The following TRPC4 variants were observed in gnomAD, a reference collection of about 807,000 sequenced individuals.
The protein encoded by TRPC4 is short transient receptor potential channel 4.
In TRPC4, 49 loss-of-function variants were observed where a neutral mutation model predicts 99.4. The observed-to-expected ratio is 0.49, with a 90% CI of 0.39 to 0.63. TRPC4 has a LOEUF of 0.63. Ranked by LOEUF, TRPC4 falls within the 20% of genes least tolerant of loss-of-function variation. The pLI is 0.00. For synonymous variants in TRPC4, 454 were observed against 425.9 expected (o/e 1.07, Z -0.81); for missense variants, 898 against 1,152.9 (o/e 0.78, Z 3.20).
chr13:37,777,287 G>C (rs1029440184), intron 2 of TRPC4, among the ~76,000 whole-genome samples: 3 of 151,888 alleles, frequency 2.0e-5, no homozygotes, highest in African/African-American at 7.2e-5. Context: ...AGGAGGCATG[G>C]CTGGGAGGGC....
At position 37,650,734 on chromosome 13, in the gene TRPC4, CAGTT is replaced by C. The variant is rs1401750533; in HGVS notation, c.2079+527_2079+530del. On this transcript the variant is annotated intron_variant, in intron 8 of 10. Transcript: ENST00000379705. ...ACACATATTCTGGAATCACACTTAA[CAGTT>C]GGCACAGCATATTTAAGTTATAATA... 3.9e-5 allele frequency among the ~76,000 whole-genome samples: 6 copies of C among 152,190 alleles called. No homozygotes were observed. The East Asian group carries it at 9.7e-4, about 25-fold the overall frequency.
chr13:37,697,017 C>A (rs1953926318), intron 3 of TRPC4, among the ~76,000 whole-genome samples: 1 of 151,358 alleles, frequency 6.6e-6, no homozygotes, highest in African/African-American at 2.4e-5. Flanking sequence ...CCTGGTGATA[C>A]CTCTGGTCGT....
intron 3 of TRPC4, among the ~76,000 whole-genome samples, chr13:37,738,780 A>G (rs1382162308): frequency 6.6e-6 from 1 of 152,210 alleles, no homozygotes; most frequent in African/African-American, 2.4e-5. Flanking sequence ...GACTCTAAGC[A>G]GTGACGGTGG....
At chr13:37,679,263 T>C (rs1953157293) in intron 4 of TRPC4, among the ~76,000 whole-genome samples, 1 of 152,144 alleles carries the variant, frequency 6.6e-6, no homozygotes, top group African/African-American at 2.4e-5. Flanking sequence ...CATGACTGTA[T>C]GCGTTTTAAC....
At chr13:37,637,888 G>A (rs1190606818) in intron 10 of TRPC4, among the ~76,000 whole-genome samples, 1 of 152,070 alleles carries the variant, frequency 6.6e-6, no homozygotes, top group East Asian at 1.9e-4. Flanking sequence ...TGCCACCAAC[G>A]TGCAGCTGAG....
intron 4 of TRPC4, among the ~76,000 whole-genome samples, chr13:37,680,272 A>C (rs540840140): frequency 6.6e-6 from 1 of 152,188 alleles, no homozygotes. Flanking sequence ...AGATATGTGC[A>C]TGCAATCATT....
chr13:37,686,359 T>G (rs1354543786), intron 4 of TRPC4, among the ~76,000 whole-genome samples: 2 of 152,088 alleles, frequency 1.3e-5, no homozygotes, highest in Admixed American at 6.5e-5. Flanking sequence ...TGTCTGTATG[T>G]ACCTATATAC....
intron 1 of TRPC4, among the ~76,000 whole-genome samples, chr13:37,849,057 C>G (rs902210934): frequency 2.0e-5 from 3 of 152,108 alleles, no homozygotes; most frequent in Non-Finnish European, 4.4e-5. Flanking sequence ...CCCACTACAG[C>G]CCATTGCCAG....
intron 3 of TRPC4, among the ~76,000 whole-genome samples, chr13:37,705,977 G>A (rs1199237395): frequency 2.0e-5 from 3 of 152,106 alleles, no homozygotes; most frequent in Non-Finnish European, 2.9e-5. Context: ...TTTCAACTCC[G>A]CTTCAGATTC....
At chr13:37,831,892 A>G (rs906199593) in intron 1 of TRPC4, among the ~76,000 whole-genome samples, 6 of 152,130 alleles carry the variant, frequency 3.9e-5, no homozygotes, top group Non-Finnish European at 7.4e-5. Flanking sequence ...AGGAGGGTGG[A>G]GTGGGGAAAG....
At position 37,828,013 on chromosome 13, in the gene TRPC4, C is replaced by T. The variant is rs370184814; in HGVS notation, c.-28+41582G>A. ...AAGCCCGTCGGAAAAGTGCAGTACT[C>T]GGGTGGGAGTGACCCGATTTTCCAG... On this transcript the variant is annotated intron_variant, in intron 1 of 10. Coordinates refer to ENST00000379705, the MANE Select transcript of TRPC4 (RefSeq NM_016179.4). Among the ~76,000 whole-genome samples the T allele has an allele frequency of 1.8e-3, 267 of 152,284 alleles. 1 individual carries two copies. Among genetic ancestry groups the T allele is most frequent in the Middle Eastern group, 6.8e-3 (2 of 294 alleles).
At chr13:37,684,323 G>T (rs1017439499) in intron 4 of TRPC4, among the ~76,000 whole-genome samples, 4 of 151,798 alleles carry the variant, frequency 2.6e-5, no homozygotes, top group Non-Finnish European at 5.9e-5. Flanking sequence ...TTAACATTTT[G>T]AGAAAAAAAA....
chr13:37,818,383 G>A (rs1028349346), intron 1 of TRPC4, among the ~76,000 whole-genome samples: 1 of 152,090 alleles, frequency 6.6e-6, no homozygotes, highest in Non-Finnish European at 1.5e-5. Flanking sequence ...CATTGGGGAA[G>A]ACAGTGTGAT....
intron 1 of TRPC4, among the ~76,000 whole-genome samples, chr13:37,805,711 A>T (rs747220451): frequency 5.9e-5 from 9 of 152,150 alleles, no homozygotes; most frequent in Non-Finnish European, 1.2e-4. Context: ...AAAACCTATG[A>T]CTTAAAATTT....
chr13:37,732,313 G>A (rs900243560), intron 3 of TRPC4, among the ~76,000 whole-genome samples: 1 of 152,070 alleles, frequency 6.6e-6, no homozygotes, highest in Admixed American at 6.6e-5. Context: ...GAAAGAGTAG[G>A]ATCTAGTCAG....
intron 2 of TRPC4, among the ~76,000 whole-genome samples, chr13:37,760,057 C>T (rs1956184381): frequency 6.6e-6 from 1 of 151,928 alleles, no homozygotes; most frequent in Non-Finnish European, 1.5e-5. Flanking sequence ...TTCATTTTGT[C>T]ATGCTAGAGA....
chr13:37,734,590 A>G (rs1232757478), intron 3 of TRPC4, among the ~76,000 whole-genome samples: 2 of 152,152 alleles, frequency 1.3e-5, no homozygotes, highest in Admixed American at 1.3e-4. Context: ...TATGCTAATT[A>G]GCCTGAGCTG....
intron 1 of TRPC4, among the ~76,000 whole-genome samples, chr13:37,851,475 T>A (rs1434173482): frequency 3.3e-5 from 5 of 152,188 alleles, no homozygotes; most frequent in Non-Finnish European, 7.3e-5. Context: ...ATTTTAAAAA[T>A]TTTATGAGAC....
chr13:37,824,799 G>C (rs2139558074), intron 1 of TRPC4, among the ~76,000 whole-genome samples: 1 of 152,208 alleles, frequency 6.6e-6, no homozygotes, highest in Non-Finnish European at 1.5e-5. Context: ...AATGAGTTAG[G>C]GAGGATTCCC....
Sources: allele counts gnomAD v4.1 joint callset (sites outside exome capture counted in the v4.1 genomes callset), GRCh38; gene constraint gnomAD v4.1.1; transcripts MANE v1.5; gene names NCBI Gene and HGNC (gene_info 2026-07-23, HGNC 2026-07-21).